VTI1A: variants seen among roughly 807,000 people sequenced by gnomAD.
VTI1A encodes the protein vesicle transport through interaction with t-SNAREs 1A, also known as vesicle transport through interaction with t-SNAREs homolog 1A.
In VTI1A, 22 loss-of-function variants were observed where a neutral mutation model predicts 34.9. That is an observed-to-expected ratio of 0.63 (90% CI 0.45 to 0.90). The LOEUF (loss-of-function observed/expected upper bound fraction) is 0.90, where lower values mean the gene tolerates loss of function less well. Among genes scored for constraint, VTI1A ranks in the 40% least tolerant of loss-of-function variants. The pLI, the probability that VTI1A is intolerant of heterozygous loss-of-function variation, is 0.00. For missense variants in VTI1A, 268 were observed against 275.6 expected (o/e 0.97, Z 0.20); for synonymous variants, 87 against 97.3 (o/e 0.89, Z 0.62).
intron 7 of VTI1A, among the ~76,000 whole-genome samples, chr10:112,685,501 G>A (rs985123030): frequency 2.0e-5 from 3 of 151,804 alleles, no homozygotes; most frequent in Non-Finnish European, 4.4e-5. Flanking sequence ...TTGAAGTCTC[G>A]CTGGTTCTTA....
chr10:112,586,829 T>C (rs1403374639), intron 5 of VTI1A, among the ~76,000 whole-genome samples: 1 of 152,186 alleles, frequency 6.6e-6, no homozygotes, highest in African/African-American at 2.4e-5. Flanking sequence ...ATCCTATTAT[T>C]ATAGCACTTA....
At chr10:112,562,060 A>C (rs1376266195) in intron 5 of VTI1A, among the ~76,000 whole-genome samples, 1 of 152,142 alleles carries the variant, frequency 6.6e-6, no homozygotes, top group African/African-American at 2.4e-5. Context: ...CATTTGATGA[A>C]CTTTCCTTCA....
chr10:112,717,616 A>G (rs927501417), intron 7 of VTI1A, among the ~76,000 whole-genome samples: 33 of 152,270 alleles, frequency 2.2e-4, no homozygotes, highest in African/African-American at 7.9e-4. Context: ...GCAGCCTCAG[A>G]CTTGGCAGCC....
At position 112,817,710 on chromosome 10, in the gene VTI1A, C is replaced by T; in HGVS notation, c.*2327C>T. 4.4e-6 allele frequency: 1 copy of T among 229,104 alleles called. No homozygotes were observed. Among genetic ancestry groups the T allele is most frequent in the Non-Finnish European group, 8.7e-6 (1 of 115,402 alleles). 14.2% of individuals were successfully genotyped at this position (229,104 alleles called of 1,614,324 possible). A position where few individuals can be genotyped will look rare whatever the true frequency, so the allele number is the denominator to read the frequency against. The stretch of plus-strand genomic sequence containing the variant: ...CCAATTGCTCTCCTTCCTTCCCTGC[C>T]CCACCAGGAAAGGAATAACGTCCAC... On this transcript the variant is annotated 3_prime_UTR_variant, in exon 8 of 8. Transcript: ENST00000393077.
At chr10:112,707,927 C>CA (rs1849256692) in intron 7 of VTI1A, among the ~76,000 whole-genome samples, 1 of 152,176 alleles carries the variant, frequency 6.6e-6, no homozygotes, top group South Asian at 2.1e-4. Context: ...TGTAAAACAT[C>CA]AAACAAAATT....
chr10:112,451,100 G>A (rs1257968010), intron 1 of VTI1A, among the ~76,000 whole-genome samples: 3 of 152,196 alleles, frequency 2.0e-5, no homozygotes, highest in Admixed American at 6.5e-5. Context: ...TACCAAGAAA[G>A]TATTACAGCA....
chr10:112,679,135 C>T (rs953842967), intron 7 of VTI1A, among the ~76,000 whole-genome samples: 4 of 152,062 alleles, frequency 2.6e-5, no homozygotes, highest in Non-Finnish European at 5.9e-5. Context: ...TATTTTTCAG[C>T]AGCATTTAAG....
intron 5 of VTI1A, among the ~76,000 whole-genome samples, chr10:112,540,636 T>A (rs1229898662): frequency 6.6e-6 from 1 of 152,198 alleles, no homozygotes; most frequent in African/African-American, 2.4e-5. Context: ...ACTGAAGTAA[T>A]GTGGAAGGAA....
chr10:112,645,946 T>TTG (rs935324346), intron 5 of VTI1A, among the ~76,000 whole-genome samples: 3 of 151,360 alleles, frequency 2.0e-5, no homozygotes, highest in Admixed American at 6.6e-5. Flanking sequence ...TACTGTGTTT[T>TTG]TTTTTTTTTT....
intron 5 of VTI1A, among the ~76,000 whole-genome samples, chr10:112,565,264 T>G (rs1851871198): frequency 6.6e-6 from 1 of 152,122 alleles, no homozygotes; most frequent in South Asian, 2.1e-4. Flanking sequence ...GGAAAAACTA[T>G]TTTAAAGAGA....
At chr10:112,567,322 C>T (rs1345865524) in intron 5 of VTI1A, among the ~76,000 whole-genome samples, 1 of 152,100 alleles carries the variant, frequency 6.6e-6, no homozygotes, top group Non-Finnish European at 1.5e-5. Flanking sequence ...AACCACTGCG[C>T]CGGCCATAAT....
At chr10:112,707,874 T>A (rs1266689231) in intron 7 of VTI1A, among the ~76,000 whole-genome samples, 2 of 152,236 alleles carry the variant, frequency 1.3e-5, no homozygotes, top group Non-Finnish European at 2.9e-5. Context: ...AAAAGTCTGT[T>A]TGGTTCATGT....
chr10:112,720,459 A>G (rs1193826874), intron 7 of VTI1A, among the ~76,000 whole-genome samples: 1 of 152,164 alleles, frequency 6.6e-6, no homozygotes, highest in Non-Finnish European at 1.5e-5. Context: ...CCTAATGTCT[A>G]GATGTTGAAC....
At chr10:112,822,349 G>C (rs1271121776), downstream of VTI1A, among the ~76,000 whole-genome samples, 1 of 152,234 alleles carries the variant, frequency 6.6e-6, no homozygotes, top group Non-Finnish European at 1.5e-5. Context: ...GAGCAGTAAT[G>C]GGTTGAGGGT....
chr10:112,579,221 A>T (rs112770892), intron 5 of VTI1A, among the ~76,000 whole-genome samples: 1 of 152,362 alleles, frequency 6.6e-6, no homozygotes, highest in Non-Finnish European at 1.5e-5. Context: ...GTGTGGAAAA[A>T]TTCTAGGAAA....
At chr10:112,587,250 GT>G (rs1844196755) in intron 5 of VTI1A, among the ~76,000 whole-genome samples, 1 of 152,046 alleles carries the variant, frequency 6.6e-6, no homozygotes. Context: ...AGTAAACATT[GT>G]TTTCCAAAGA....
rs531799978 is a variant in VTI1A, at chr10:112,670,543, C to T, written c.560+1545C>T. 9.9e-5 allele frequency among the ~76,000 whole-genome samples: 15 copies of T among 152,252 alleles called. No individual in the cohort carries two copies. In the East Asian group the frequency reaches 2.5e-3, roughly 25 times the overall value. ...ATGTTTCTGCTTGATCTACCTCACC[C>T]TTTAGTGCGGGACACTGCAGACAGT... On this transcript the variant is annotated intron_variant, in intron 7 of 7. Transcript: ENST00000393077.
At chr10:112,747,675 G>T (rs576431649) in intron 7 of VTI1A, among the ~76,000 whole-genome samples, 275 of 152,258 alleles carry the variant, frequency 1.8e-3, no homozygotes, top group Middle Eastern at 6.8e-3. Context: ...TCCCCGAAAG[G>T]CTTGATACAT....
chr10:112,734,246 T>C (rs10885379), intron 7 of VTI1A, among the ~76,000 whole-genome samples: 63,478 of 151,838 alleles, frequency 0.42, 16,554 homozygotes, highest in African/African-American at 0.75. Context: ...TCCTCTCCCT[T>C]CATCATTCCC....
Sources: allele counts gnomAD v4.1 joint callset (sites outside exome capture counted in the v4.1 genomes callset), GRCh38; gene constraint gnomAD v4.1.1; transcripts MANE v1.5; gene names NCBI Gene and HGNC (gene_info 2026-07-23, HGNC 2026-07-21).